SMPD4: variants seen among roughly 807,000 people sequenced by gnomAD.
SMPD4 encodes sphingomyelin phosphodiesterase 4.
A neutral mutation model predicts 97.8 loss-of-function variants in SMPD4; 58 were observed. The ratio of observed to expected loss-of-function variants is 0.59; its 90% confidence interval spans 0.48 to 0.74. SMPD4 has a LOEUF of 0.74. Ranked by LOEUF, SMPD4 falls within the 30% of genes least tolerant of loss-of-function variation. The pLI, the probability that SMPD4 is intolerant of heterozygous loss-of-function variation, is 0.00. For synonymous variants in SMPD4, 388 were observed against 450.0 expected, an observed-to-expected ratio of 0.86 and a Z score of 1.74; for missense variants, 853 against 1,080.5, an observed-to-expected ratio of 0.79 and a Z score of 2.95.
At chr2:130,160,891 C>T (rs762320856) in intron 11 of SMPD4, among the ~76,000 whole-genome samples, 68 of 152,298 alleles carry the variant, frequency 4.5e-4, no homozygotes, top group Non-Finnish European at 8.8e-4. Context: ...CACGAGGCCT[C>T]CAACACTGGA....
chr2:130,179,073 G>A (rs895204831), intron 1 of SMPD4, among the ~76,000 whole-genome samples: 6 of 152,010 alleles, frequency 3.9e-5, no homozygotes, highest in Non-Finnish European at 7.4e-5. Context: ...AGAGGAGACA[G>A]GAATCTCTGC....
chr2:130,155,959 G>A (rs1686743297), intron 14 of SMPD4, 76 bp downstream of exon 14: 4 of 1,467,312 alleles, frequency 2.7e-6, no homozygotes, highest in Middle Eastern at 4.9e-4. Context: ...CAGGCCGCTG[G>A]CTTGGCCTCC....
chr2:130,158,893 A>G (rs1687112131), intron 11 of SMPD4, among the ~76,000 whole-genome samples: 2 of 152,208 alleles, frequency 1.3e-5, no homozygotes, highest in Non-Finnish European at 2.9e-5. Context: ...GCCACTGCCC[A>G]TATCGCTACC....
intron 2 of SMPD4, among the ~76,000 whole-genome samples, chr2:130,175,711 G>C (rs1688927445): frequency 6.6e-6 from 1 of 152,184 alleles, no homozygotes; most frequent in African/African-American, 2.4e-5. Context: ...TGTGCGAATG[G>C]ATTAAGATCA....
At chr2:130,166,436 C>T (rs1372425447) in intron 9 of SMPD4, among the ~76,000 whole-genome samples, 1 of 151,992 alleles carries the variant, frequency 6.6e-6, no homozygotes, top group South Asian at 2.1e-4. Flanking sequence ...ACGGTCCACA[C>T]AGCCAAGAGC....
intron 14 of SMPD4, 32 bp downstream of exon 14, chr2:130,156,003 G>T: frequency 5.6e-6 from 9 of 1,599,178 alleles, no homozygotes; most frequent in Non-Finnish European, 7.7e-6. Context: ...GGGGGAGCCA[G>T]TGGCATGTCT....
At chr2:130,175,453 CCAA>C (rs540895002) in intron 2 of SMPD4, among the ~76,000 whole-genome samples, 303 of 152,082 alleles carry the variant, frequency 2.0e-3, no homozygotes, top group Non-Finnish European at 3.7e-3. Flanking sequence ...GTAAGAACGC[CCAA>C]CAACATCACG....
At chr2:130,179,032 G>T (rs528664957) in intron 1 of SMPD4, among the ~76,000 whole-genome samples, 1 of 152,202 alleles carries the variant, frequency 6.6e-6, no homozygotes, top group African/African-American at 2.4e-5. Context: ...GAGGCTGGGT[G>T]TAAAGAGGCC....
Position 130,176,606 on chromosome 2 carries a change from G to A in SMPD4, c.-14C>T, listed in dbSNP as rs370766826. On this transcript the variant is annotated 5_prime_UTR_variant, in exon 2 of 20. Transcript: ENST00000680298. ...AGGGAACGCCATAGCAGCCTCCAGT[G>A]GAGAGTTGAAAATGGCCTTCTTAGC... The A allele has an allele frequency of 6.2e-7, 1 of 1,613,570 alleles. No individual in the cohort carries two copies. The highest frequency in any genetic ancestry group is 1.3e-5 in the African/African-American group (1 of 75,034).
At chr2:130,177,554 G>A (rs958310742) in intron 1 of SMPD4, among the ~76,000 whole-genome samples, 18 of 152,104 alleles carry the variant, frequency 1.2e-4, no homozygotes, top group Middle Eastern at 3.4e-3. Flanking sequence ...AAAATTAGCC[G>A]GGCATGATGG....
chr2:130,161,100 A>G, intron 11 of SMPD4, 86 bp downstream of exon 11: 3 of 1,309,004 alleles, frequency 2.3e-6, no homozygotes, highest in Non-Finnish European at 3.2e-6. Context: ...CCTCTGAGTC[A>G]CCAGCGGCCG....
chr2:130,152,973 G>A (rs553165123), intron 19 of SMPD4, 70 bp downstream of exon 19: 14 of 1,566,720 alleles, frequency 8.9e-6, no homozygotes, highest in African/African-American at 8.2e-5. Context: ...GCCACCCCAG[G>A]ACTGCACCCC....
At chr2:130,170,418 G>A (rs370904162) in intron 8 of SMPD4, among the ~76,000 whole-genome samples, 281 of 132,064 alleles carry the variant, frequency 2.1e-3, no homozygotes, top group East Asian at 0.016. Flanking sequence ...CAGAGACAGC[G>A]CCACTGCACT....
At chr2:130,167,682 G>C (rs559263786) in intron 8 of SMPD4, 92 bp from the exon 9 acceptor site, 8 of 1,403,204 alleles carry the variant, frequency 5.7e-6, no homozygotes, top group Non-Finnish European at 6.8e-6. Flanking sequence ...CAAAATCAAC[G>C]AGAGCAGGGA....
At chr2:130,161,785 A>G (rs1687446599) in intron 10 of SMPD4, among the ~76,000 whole-genome samples, 3 of 152,198 alleles carry the variant, frequency 2.0e-5, no homozygotes. Context: ...AGGCTCAGAA[A>G]AGAAACCAGC....
At chr2:130,181,322 C>G in intron 1 of SMPD4, 1 of 1,426,166 alleles carries the variant, frequency 7.0e-7, no homozygotes, top group South Asian at 1.5e-5. Context: ...GTACGAGCCG[C>G]GCGGGAAGGT....
At chr2:130,168,147 G>A (rs149044817) in intron 8 of SMPD4, among the ~76,000 whole-genome samples, 4,125 of 152,300 alleles carry the variant, frequency 0.027, 152 homozygotes, top group African/African-American at 0.086. Context: ...TGAGGCTATA[G>A]TGACAAATGA....
At chr2:130,176,524 C>T in intron 2 of SMPD4, 30 bp downstream of exon 2, 1 of 1,578,028 alleles carries the variant, frequency 6.3e-7, no homozygotes, top group Middle Eastern at 1.7e-4. Context: ...TATGGCCACA[C>T]TGACACTCAT....
chr2:130,176,756 T>C (rs772197445), intron 1 of SMPD4, 119 bp from the exon 2 acceptor site: 17 of 732,672 alleles, frequency 2.3e-5, no homozygotes, highest in Admixed American at 5.6e-5. Flanking sequence ...AGCACGATCA[T>C]AGCTCACTGC....
Sources: gnomAD v4.1 joint callset for allele counts (sites outside exome capture counted in the v4.1 genomes callset) on GRCh38, gnomAD v4.1.1 for gene constraint, MANE v1.5 for transcripts, NCBI Gene and HGNC (gene_info 2026-07-23, HGNC 2026-07-21) for gene names.